TLE5: variants seen among roughly 807,000 people sequenced by gnomAD.
TLE5 encodes the protein TLE family member 5, transcriptional modulator, also known as TLE family member 5.
TLE5 carries 7 observed loss-of-function variants against 25.8 expected under a neutral mutation model. The observed-to-expected ratio is 0.27, with a 90% CI of 0.15 to 0.51. The LOEUF is 0.51. Among genes scored for constraint, TLE5 ranks in the 20% least tolerant of loss-of-function variants. The pLI is 0.97. For missense variants in TLE5, 149 were observed against 250.7 expected (o/e 0.59, Z 2.74); for synonymous variants, 132 against 110.5 (o/e 1.20, Z -1.22).
chr19:3,060,759 C>T (rs1242153456), intron 2 of TLE5, among the ~76,000 whole-genome samples: 1 of 152,134 alleles, frequency 6.6e-6, no homozygotes, highest in Non-Finnish European at 1.5e-5. Flanking sequence ...CTGACGGGTG[C>T]TGGGAACCCT....
At chr19:3,057,849 G>A in intron 2 of TLE5, 107 bp from the exon 3 acceptor site, 1 of 1,007,744 alleles carries the variant, frequency 9.9e-7, no homozygotes, top group East Asian at 2.6e-5. Flanking sequence ...CCCCTGTAAG[G>A]GCAAGATCAG....
At chr19:3,062,006 G>A (rs573001688) in intron 1 of TLE5, among the ~76,000 whole-genome samples, 168 bp downstream of exon 1, 1 of 124,936 alleles carries the variant, frequency 8.0e-6, no homozygotes, top group African/African-American at 3.0e-5. Flanking sequence ...GAGGGGGGTC[G>A]CGCCGGGCTG....
intron 1 of TLE5, among the ~76,000 whole-genome samples, chr19:3,061,770 A>C (rs307719): frequency 1.1e-3 from 157 of 147,904 alleles, no homozygotes; most frequent in Admixed American, 2.2e-3. Flanking sequence ...GCCTCGGATC[A>C]CCCCCCCCAC....
At position 3,061,152 on chromosome 19, in the gene TLE5, C is replaced by T. The variant is rs973591914; in HGVS notation, c.125+8G>A. On this transcript the variant is annotated splice_region_variant and intron_variant, in intron 2 of 6. Transcript: ENST00000327141. ...CGGGACGCAGGGACCCCCAGTCCCCCAGCTCACCTGTGGTACTGAGCTTGC... is the reference window on the plus strand; with the variant it reads ...CGGGACGCAGGGACCCCCAGTCCCCTAGCTCACCTGTGGTACTGAGCTTGC... 2.5e-6 allele frequency: 4 copies of T among 1,607,064 alleles called. No individual in the cohort carries two copies. Among genetic ancestry groups the T allele is most frequent in the Admixed American group, 3.3e-5 (2 of 59,970 alleles).
intron 1 of TLE5, among the ~76,000 whole-genome samples, chr19:3,061,894 G>C (rs1473684415): frequency 1.4e-5 from 2 of 145,362 alleles, no homozygotes; most frequent in South Asian, 2.3e-4. Flanking sequence ...GTTGGGGGGG[G>C]GGGGCGCCAA....
At chr19:3,061,071 A>G in intron 2 of TLE5, 89 bp downstream of exon 2, 1 of 952,902 alleles carries the variant, frequency 1.0e-6, no homozygotes, top group South Asian at 1.3e-5. Flanking sequence ...TATTTTCCCA[A>G]TCTCCAGGCC....
At position 3,062,308 on chromosome 19, in the gene TLE5, C is replaced by T. The variant is rs2090278549; in HGVS notation, c.-108G>A. ...TTGTCCCGGCGCCGATCGGCAGCTC[C>T]CGGGGCCGCCGCCGCCTCCCGCGCC... On this transcript the variant is annotated 5_prime_UTR_variant, in exon 1 of 7. Transcript: ENST00000327141. 4.1e-6 allele frequency: 4 copies of T among 980,438 alleles called. No individual in the cohort carries two copies. Among genetic ancestry groups the T allele is most frequent in the Admixed American group, 6.4e-5 (1 of 15,724 alleles). The allele number at this position is 980,438 out of a possible 1,614,324, so 60.7% of individuals were successfully genotyped here. A position where few individuals can be genotyped will look rare whatever the true frequency, so the allele number is the denominator to read the frequency against.
chr19:3,061,843 C>T (rs992871397), intron 1 of TLE5, among the ~76,000 whole-genome samples: 10 of 147,354 alleles, frequency 6.8e-5, no homozygotes, highest in Non-Finnish European at 3.0e-5. Flanking sequence ...GCGCCCCAGG[C>T]CCGAGGCCAA....
chr19:3,055,474 C>T (rs1656037573), intron 5 of TLE5, 190 bp downstream of exon 5: 2 of 429,296 alleles, frequency 4.7e-6, no homozygotes, highest in Non-Finnish European at 8.1e-6. Flanking sequence ...CACGCCTGCA[C>T]CCCTGGAGTG....
chr19:3,062,630 C>A (rs1253200680), upstream of TLE5: 10 of 1,174,494 alleles, frequency 8.5e-6, no homozygotes, highest in Admixed American at 4.6e-5. Flanking sequence ...CCCCGTGGCC[C>A]GCCCGCCGCG....
At chr19:3,062,667 CCCCGGG>C (rs1391688418), upstream of TLE5, 7 of 1,377,928 alleles carry the variant, frequency 5.1e-6, no homozygotes, top group East Asian at 2.1e-4. Context: ...CCCGCCCCCG[CCCCGGG>C]CAGCGGCCCC....
intron 2 of TLE5, among the ~76,000 whole-genome samples, chr19:3,059,525 A>G (rs2090247392): frequency 6.6e-6 from 1 of 152,192 alleles, no homozygotes; most frequent in African/African-American, 2.4e-5. Context: ...CGTCTCAAAA[A>G]AATAAAATAA....
At position 3,061,058 on chromosome 19, in the gene TLE5, T is replaced by C. The variant is rs1426833940; in HGVS notation, c.125+102A>G. ...AGTGATTAGGTCAGAGTCTAGCATA[T>C]ATTATTTTCCCAATCTCCAGGCCTC... On this transcript the variant is annotated intron_variant, in intron 2 of 6. Coordinates refer to ENST00000327141, the MANE Select transcript of TLE5 (RefSeq NM_001130.6). The C allele has an allele frequency of 1.9e-5, 16 of 836,588 alleles. No homozygotes were observed. The Admixed American group carries it at 2.0e-4, about 11-fold the overall frequency. The allele number at this position is 836,588 out of a possible 1,614,324, so 51.8% of individuals were successfully genotyped here.
At chr19:3,055,839 G>C in intron 4 of TLE5, 113 bp from the exon 5 acceptor site, 1 of 1,226,612 alleles carries the variant, frequency 8.2e-7, no homozygotes, top group South Asian at 1.6e-5. Context: ...GCTTCTAAGA[G>C]GGGCTAGGTC....
chr19:3,053,546 C>A lies in TLE5; in HGVS notation c.*273G>T. On this transcript the variant is annotated 3_prime_UTR_variant, in exon 7 of 7. Coordinates refer to ENST00000327141, the MANE Select transcript of TLE5 (RefSeq NM_001130.6). ...GCTCCCTTGGGACCTGGTCTCCCAT[C>A]TGACCCTCCAGGCCTTAGCTTGCCT... is the stretch of plus-strand genomic sequence containing the variant. 5.6e-6 allele frequency: 3 copies of A among 540,076 alleles called. 1 individual carries two copies. The South Asian group carries it at 7.1e-5, about 13-fold the overall frequency. The allele number at this position is 540,076 out of a possible 1,614,324, so 33.5% of individuals were successfully genotyped here. A position where few individuals can be genotyped will look rare whatever the true frequency, so the allele number is the denominator to read the frequency against.
intron 1 of TLE5, among the ~76,000 whole-genome samples, 176 bp downstream of exon 1, chr19:3,061,998 G>A (rs1457489634): frequency 7.8e-6 from 1 of 128,888 alleles, no homozygotes; most frequent in Non-Finnish European, 1.7e-5. Flanking sequence ...CAGGAGGGGA[G>A]GGGGGTCGCG....
Position 3,062,328 on chromosome 19 carries a change from CGCGCCCGGCCTCGCCCGCTTCCT to C in TLE5, c.-151_-129del. The C allele has an allele frequency of 1.0e-6, 1 of 978,658 alleles. No individual in the cohort carries two copies. The highest frequency in any genetic ancestry group is 1.2e-6 in the Non-Finnish European group (1 of 827,134). The allele number at this position is 978,658 out of a possible 1,614,324, so 60.6% of individuals were successfully genotyped here. A position where few individuals can be genotyped will look rare whatever the true frequency, so the allele number is the denominator to read the frequency against. On this transcript the variant is annotated 5_prime_UTR_variant, in exon 1 of 7. Coordinates refer to ENST00000327141, the MANE Select transcript of TLE5 (RefSeq NM_001130.6). ...AGCTCCCGGGGCCGCCGCCGCCTCCCGCGCCCGGCCTCGCCCGCTTCCTGCGCCCCCTCCCCGCGCGCCCGGCC... is the reference window on the plus strand; with the variant it reads ...AGCTCCCGGGGCCGCCGCCGCCTCCCGCGCCCCCTCCCCGCGCGCCCGGCC...
rs1225559792 is a variant in TLE5, at chr19:3,054,122, G to A, written c.370C>T (p.Arg124Ter). 1.8e-6 allele frequency: 2 copies of A among 1,098,544 alleles called. No homozygotes were observed. The highest frequency in any genetic ancestry group is 2.5e-6 in the Non-Finnish European group (2 of 789,332). The allele number at this position is 1,098,544 out of a possible 1,614,324, so 68.0% of individuals were successfully genotyped here. The change falls in exon 6 of 7, where the codon CGA becomes TGA. Residue 124 changes from arginine to a stop codon, truncating the protein, a stop_gained and splice_region_variant. Transcript: ENST00000327141. LOFTEE classifies it low-confidence loss of function (END_TRUNC). The part of the protein sequence containing the change: ...VTAPELNSII[R>*]QQLQAHQLSQ... Reference sequence around the variant, plus strand: ...CCCGCCCAGGTCCCCATACATACTCGGATGATAGAGTTCAGCTCGGGAGCG... The same window carrying A: ...CCCGCCCAGGTCCCCATACATACTCAGATGATAGAGTTCAGCTCGGGAGCG...
In TLE5 at chr19:3,053,938, C is replaced by T. The variant is rs899160634; in HGVS notation, c.475G>A (p.Ala159Thr). ...GACAGCGAGAGGAGGCCGGTGCCTG[C>T]GCTGACCGCCGGCAGCGAAGGCGGC... ...LQPPSLPAVS[A>T]GTGLLSLSAL... is the part of the protein sequence containing the mutation. The change falls in exon 7 of 7, where the codon GCA becomes ACA. Residue 159 changes from alanine (A) to threonine (T), a missense_variant. Physicochemically the swap from Ala to Thr is moderately conservative, Grantham distance 58. Transcript: ENST00000327141. 2.5e-6 allele frequency: 4 copies of T among 1,611,956 alleles called. No individual in the cohort carries two copies. The highest frequency in any genetic ancestry group is 1.7e-5 in the Admixed American group (1 of 59,958).
Sources: allele counts gnomAD v4.1 joint callset (sites outside exome capture counted in the v4.1 genomes callset), GRCh38; gene constraint gnomAD v4.1.1; transcripts MANE v1.5; gene names NCBI Gene and HGNC (gene_info 2026-07-23, HGNC 2026-07-21).